Variants in UTP20 observed in about 807,000 individuals in gnomAD.
The protein encoded by UTP20 is UTP20 small subunit processome component.
A neutral mutation model predicts 329.5 loss-of-function variants in UTP20; 164 were observed. The observed-to-expected ratio is 0.50, with a 90% CI of 0.44 to 0.57. The LOEUF is 0.57. Among genes scored for constraint, UTP20 ranks in the 20% least tolerant of loss-of-function variants. The pLI is 0.00. For missense variants in UTP20, 3,055 were observed against 3,284.2 expected (o/e 0.93, Z 1.71); for synonymous variants, 1,151 against 1,159.3 (o/e 0.99, Z 0.14).
chr12:101,323,578 T>C (rs1370500706), intron 25 of UTP20, among the ~76,000 whole-genome samples: 1 of 152,226 alleles, frequency 6.6e-6, no homozygotes, highest in Admixed American at 6.5e-5. Context: ...TTAGGTTTAC[T>C]AGTGAAGATG....
intron 11 of UTP20, among the ~76,000 whole-genome samples, chr12:101,293,765 C>A (rs1278514534): frequency 6.6e-6 from 1 of 152,152 alleles, no homozygotes; most frequent in African/African-American, 2.4e-5. Flanking sequence ...TCTCATTTGC[C>A]TAAAAAGAAC....
intron 20 of UTP20, 57 bp from the exon 21 acceptor site, chr12:101,311,979 C>T (rs1872807285): frequency 1.2e-6 from 2 of 1,607,520 alleles, no homozygotes; most frequent in African/African-American, 1.3e-5. Flanking sequence ...CTTGAGAAAA[C>T]ACTTAAGATA....
chr12:101,299,136 C>T (rs1872447904), intron 12 of UTP20, among the ~76,000 whole-genome samples: 1 of 152,150 alleles, frequency 6.6e-6, no homozygotes, highest in South Asian at 2.1e-4. Context: ...TAGTTAGCCT[C>T]TATCTAATCT....
At chr12:101,361,830 T>A in intron 43 of UTP20, 132 bp from the exon 44 acceptor site, 1 of 691,698 alleles carries the variant, frequency 1.4e-6, no homozygotes, top group South Asian at 1.7e-5. Context: ...CTATGTGTCA[T>A]TTGTCGAAGC....
chr12:101,362,396 G>A (rs1409736199), intron 44 of UTP20, among the ~76,000 whole-genome samples: 1 of 152,160 alleles, frequency 6.6e-6, no homozygotes, highest in East Asian at 1.9e-4. Context: ...AATACAGTCG[G>A]AAATTAATAA....
chr12:101,370,815 T>C, intron 50 of UTP20, among the ~76,000 whole-genome samples: 1 of 152,370 alleles, frequency 6.6e-6, no homozygotes, highest in Middle Eastern at 3.4e-3. Context: ...TTATATGTTT[T>C]TCTTCTTAGT....
chr12:101,308,382 T>C, intron 18 of UTP20, 39 bp downstream of exon 18: 1 of 1,366,488 alleles, frequency 7.3e-7, no homozygotes, highest in Non-Finnish European at 9.5e-7. Context: ...TTTTAATTCA[T>C]GCTTTAAATC....
chr12:101,290,781 A>T lies in UTP20; in HGVS notation c.784A>T (p.Thr262Ser). 1 of 1,613,688 alleles carries T rather than the reference A, an allele frequency of 6.2e-7. No homozygotes were observed. Among genetic ancestry groups the T allele is most frequent in the Non-Finnish European group, 8.5e-7 (1 of 1,179,820 alleles). The part of the protein sequence containing the change: ...RKLGPVTETE[T>S]QLPWMLIGET... The stretch of plus-strand genomic sequence containing the variant: ...GCTAGGACCAGTCACTGAAACAGAA[A>T]CTCAACTACCATGGATGTTAATTGG... Residue 262 changes from threonine (T) to serine (S), a missense_variant, in exon 8 of 62, where the codon ACT becomes TCT. Coordinates refer to ENST00000261637, the MANE Select transcript of UTP20 (RefSeq NM_014503.3).
Position 101,383,635 on chromosome 12 carries a change from G to C in UTP20, c.8022G>C (p.Leu2674Phe), listed in dbSNP as rs1181157603. 4 of 1,613,602 alleles carry C rather than the reference G, an allele frequency of 2.5e-6. No individual in the cohort carries two copies. The highest frequency in any genetic ancestry group is 3.4e-6 in the Non-Finnish European group (4 of 1,179,768). Reference protein sequence around the residue: ...KPYLPMIIAPLFRELNSTYSE... With the variant: ...KPYLPMIIAPFFRELNSTYSE... The stretch of plus-strand genomic sequence containing the variant: ...ATCTCCCAATGATCATAGCTCCTTT[G>C]TTTCGGGAACTCAACAGCACCTATT... The change falls in exon 60 of 62, where the codon TTG (leucine) becomes TTC (phenylalanine). Residue 2674 changes from leucine to phenylalanine, a missense_variant. Physicochemically the swap from Leu to Phe is conservative, Grantham distance 22. This residue lies in a region of UTP20 where 337 missense variants were observed against 345.5 expected (regional missense o/e 0.98). Coordinates refer to ENST00000261637, the MANE Select transcript of UTP20 (RefSeq NM_014503.3).
At chr12:101,353,709 A>C (rs1170814320) in intron 40 of UTP20, among the ~76,000 whole-genome samples, 1 of 152,190 alleles carries the variant, frequency 6.6e-6, no homozygotes, top group Non-Finnish European at 1.5e-5. Flanking sequence ...ATGTCTAAAA[A>C]TAAAAAGAAA....
chr12:101,366,672 G>A lies in UTP20; in HGVS notation c.6240G>A (p.Met2080Ile). The A allele has an allele frequency of 6.2e-7, 1 of 1,614,094 alleles. No homozygotes were observed. Among genetic ancestry groups the A allele is most frequent in the East Asian group, 2.2e-5 (1 of 44,886 alleles). The stretch of plus-strand genomic sequence containing the variant: ...CTGTTGTGAGCAGGAAAACCAACAT[G>A]CACATATTTATTGAGTCCGGGCTTC... Reference protein sequence around the residue: ...QKAVVSRKTNMHIFIESGLRL... With the variant: ...QKAVVSRKTNIHIFIESGLRL... Residue 2080 changes from methionine (M) to isoleucine (I), a missense_variant, in exon 47 of 62, where the codon ATG becomes ATA. Around this residue, in one of 3 missense-constraint regions of UTP20, gnomAD observed 2,445 missense variants for 2,575.5 expected, o/e 0.95. Transcript: ENST00000261637.
intron 11 of UTP20, among the ~76,000 whole-genome samples, chr12:101,294,340 A>G (rs12310005): frequency 3.3e-4 from 50 of 152,204 alleles, no homozygotes; most frequent in African/African-American, 1.1e-3. Context: ...ATCTGAATAT[A>G]CTGCTTTACC....
chr12:101,300,132 G>C, intron 14 of UTP20, 71 bp downstream of exon 14: 1 of 1,396,204 alleles, frequency 7.2e-7, no homozygotes, highest in East Asian at 2.3e-5. Context: ...AAACACATGA[G>C]CTATTAGAGA....
At chr12:101,382,129 G>A (rs1389638221) in intron 58 of UTP20, among the ~76,000 whole-genome samples, 1 of 152,022 alleles carries the variant, frequency 6.6e-6, no homozygotes, top group African/African-American at 2.4e-5. Context: ...AATGGGGCTG[G>A]TGTGGTGACT....
At chr12:101,286,796 C>G (rs576007510) in intron 5 of UTP20, among the ~76,000 whole-genome samples, 1 of 152,200 alleles carries the variant, frequency 6.6e-6, no homozygotes, top group African/African-American at 2.4e-5. Flanking sequence ...TTTGTACTCT[C>G]TATCCTCTTG....
At chr12:101,349,844 TA>T (rs1194951726) in intron 38 of UTP20, among the ~76,000 whole-genome samples, 1 of 152,170 alleles carries the variant, frequency 6.6e-6, no homozygotes, top group East Asian at 1.9e-4. Flanking sequence ...AGTTGTTCCA[TA>T]ACTCAGAGAC....
In UTP20 at chr12:101,362,526, A is replaced by ATTTGTAATTTATAATTAGAATGTAAAT. The variant is rs1555202275; in HGVS notation, c.5790+466_5790+467insTTTGTAATTTATAATTAGAATGTAAAT. ...TGAGACCAGCCTGGCCAACATGGTGAAACCCCGTCTCTAAGAAAAATACAA... is the reference window on the plus strand; with the variant it reads ...TGAGACCAGCCTGGCCAACATGGTGATTTGTAATTTATAATTAGAATGTAAATAACCCCGTCTCTAAGAAAAATACAA... On this transcript the variant is annotated intron_variant, in intron 44 of 61. Coordinates refer to ENST00000261637, the MANE Select transcript of UTP20 (RefSeq NM_014503.3). Among the ~76,000 whole-genome samples, 54 of 137,652 alleles carry ATTTGTAATTTATAATTAGAATGTAAAT rather than the reference A, an allele frequency of 3.9e-4. 4 individuals are homozygous for ATTTGTAATTTATAATTAGAATGTAAAT. Among genetic ancestry groups the ATTTGTAATTTATAATTAGAATGTAAAT allele is most frequent in the East Asian group, 1.6e-3 (6 of 3,788 alleles). 90.3% of individuals were successfully genotyped at this position (137,652 alleles called of 152,430 possible). A position where few individuals can be genotyped will look rare whatever the true frequency, so the allele number is the denominator to read the frequency against.
intron 32 of UTP20, among the ~76,000 whole-genome samples, chr12:101,341,985 A>G (rs1282502084): frequency 6.6e-6 from 1 of 152,312 alleles, no homozygotes; most frequent in Admixed American, 6.5e-5. Context: ...TTTACATTGT[A>G]TTGGGTATTA....
chr12:101,375,582 C>A, intron 55 of UTP20, 42 bp from the exon 56 acceptor site: 1 of 1,602,802 alleles, frequency 6.2e-7, no homozygotes, highest in Non-Finnish European at 8.5e-7. Flanking sequence ...CAGATACTTT[C>A]AGATTGTTGT....
Sources: allele counts gnomAD v4.1 joint callset (sites outside exome capture counted in the v4.1 genomes callset), GRCh38; gene constraint gnomAD v4.1.1; regional missense constraint gnomAD v4.1.1; transcripts MANE v1.5; gene names NCBI Gene and HGNC (gene_info 2026-07-23, HGNC 2026-07-21).